THSD4: variants seen among roughly 807,000 people sequenced by gnomAD.
THSD4 encodes the protein thrombospondin type 1 domain containing 4.
In THSD4, 69 loss-of-function variants were observed where a neutral mutation model predicts 119.0. That is an observed-to-expected ratio of 0.58 (90% confidence interval 0.48 to 0.71). THSD4 has a LOEUF of 0.71. THSD4 is among the 30% of genes least tolerant of loss of function. THSD4 has a pLI of 0.00. For missense variants in THSD4, 1,393 were observed against 1,391.1 expected (o/e 1.00, Z -0.02); for synonymous variants, 524 against 540.4 (o/e 0.97, Z 0.42).
chr15:71,216,466 G>A (rs1596274007), intron 4 of THSD4, among the ~76,000 whole-genome samples: 1 of 152,216 alleles, frequency 6.6e-6, no homozygotes, highest in Non-Finnish European at 1.5e-5. Flanking sequence ...AAGGAGATGC[G>A]ACACATCCAG....
chr15:71,711,676 A>ATC (rs2052519025), intron 8 of THSD4, among the ~76,000 whole-genome samples: 1 of 151,444 alleles, frequency 6.6e-6, no homozygotes, highest in Non-Finnish European at 1.5e-5. Flanking sequence ...AGGTAATGAT[A>ATC]TATATAAATA....
chr15:71,496,872 C>T (rs11072292), intron 7 of THSD4, among the ~76,000 whole-genome samples: 17,944 of 152,194 alleles, frequency 0.12, 1,358 homozygotes, highest in African/African-American at 0.21. Flanking sequence ...AGGTAGCAGC[C>T]ATGCCACAGG....
At chr15:71,672,818 T>G (rs2051560437) in intron 8 of THSD4, among the ~76,000 whole-genome samples, 1 of 152,234 alleles carries the variant, frequency 6.6e-6, no homozygotes, top group Non-Finnish European at 1.5e-5. Flanking sequence ...TGAACCAGCC[T>G]TGGATCCCAG....
At chr15:71,736,413 C>T (rs947164094) in intron 10 of THSD4, among the ~76,000 whole-genome samples, 2 of 151,628 alleles carry the variant, frequency 1.3e-5, no homozygotes, top group African/African-American at 2.4e-5. Flanking sequence ...CTCTGACTGT[C>T]TCGCTCTCTT....
intron 10 of THSD4, among the ~76,000 whole-genome samples, chr15:71,736,157 CTCTCTG>C (rs56651603): frequency 0.59 from 78,502 of 132,720 alleles, 24,470 homozygotes; most frequent in East Asian, 0.77. Flanking sequence ...GTCTCTCTTG[CTCTCTG>C]TCTCTGTCTC....
chr15:71,452,219 C>G (rs574614685), intron 7 of THSD4, among the ~76,000 whole-genome samples: 1 of 152,172 alleles, frequency 6.6e-6, no homozygotes, highest in African/African-American at 2.4e-5. Context: ...CGCTGCATCT[C>G]CTCTCCTGCA....
chr15:71,422,442 A>G (rs2046820794), intron 7 of THSD4, among the ~76,000 whole-genome samples: 1 of 152,196 alleles, frequency 6.6e-6, no homozygotes, highest in Non-Finnish European at 1.5e-5. Flanking sequence ...GCAGACTCAT[A>G]GAGGTGCCAC....
chr15:71,297,387 GTGCAGTGGCGCAATC>G (rs1447404890), intron 6 of THSD4, among the ~76,000 whole-genome samples: 1 of 149,030 alleles, frequency 6.7e-6, no homozygotes, highest in Non-Finnish European at 1.5e-5. Flanking sequence ...CCAGACTGGA[GTGCAGTGGCGCAATC>G]TCAGCTCACT....
intron 4 of THSD4, among the ~76,000 whole-genome samples, chr15:71,224,332 A>G (rs2043997275): frequency 6.6e-6 from 1 of 152,236 alleles, no homozygotes; most frequent in Non-Finnish European, 1.5e-5. Flanking sequence ...AGAAATTCTT[A>G]GAGTAAGACA....
At chr15:71,629,732 C>CTCTTTGTTTAT (rs781016207) in intron 7 of THSD4, among the ~76,000 whole-genome samples, 6 of 152,190 alleles carry the variant, frequency 3.9e-5, no homozygotes, top group Non-Finnish European at 8.8e-5. Context: ...CTGTAAGCTT[C>CTCTTTGTTTAT]TCTTTGTTTA....
chr15:71,216,494 T>C (rs1462994491), intron 4 of THSD4, among the ~76,000 whole-genome samples: 1 of 152,194 alleles, frequency 6.6e-6, no homozygotes. Context: ...AGCCACATGC[T>C]CTTTACCTGG....
chr15:71,354,090 A>G (rs1179177569), intron 6 of THSD4, among the ~76,000 whole-genome samples: 1 of 152,204 alleles, frequency 6.6e-6, no homozygotes, highest in Non-Finnish European at 1.5e-5. Context: ...TGAGCCCAAG[A>G]GTTCCAGACC....
chr15:71,325,009 G>C (rs902821403), intron 6 of THSD4, among the ~76,000 whole-genome samples: 1 of 152,160 alleles, frequency 6.6e-6, no homozygotes, highest in Non-Finnish European at 1.5e-5. Context: ...TCTTGCAGGA[G>C]TAAGTAGGTA....
At chr15:71,464,989 A>G (rs2047480526) in intron 7 of THSD4, among the ~76,000 whole-genome samples, 1 of 152,066 alleles carries the variant, frequency 6.6e-6, no homozygotes, top group Non-Finnish European at 1.5e-5. Context: ...CACATTTTAA[A>G]CCTTCCAAAT....
chr15:71,124,969 A>G (rs903589927), intron 1 of THSD4, among the ~76,000 whole-genome samples: 1 of 152,066 alleles, frequency 6.6e-6, no homozygotes, highest in Admixed American at 6.6e-5. Flanking sequence ...CATATATGGG[A>G]GGCTAAAGTA....
intron 6 of THSD4, among the ~76,000 whole-genome samples, chr15:71,370,586 G>A (rs1344847568): frequency 6.6e-6 from 1 of 152,194 alleles, no homozygotes; most frequent in Non-Finnish European, 1.5e-5. Flanking sequence ...ATGTAGTTGA[G>A]CGGTTTTGAG....
At chr15:71,243,884 A>T (rs1304205098) in intron 5 of THSD4, among the ~76,000 whole-genome samples, 1 of 146,144 alleles carries the variant, frequency 6.8e-6, no homozygotes, top group Non-Finnish European at 1.5e-5. Context: ...TCCCAGGTTC[A>T]AGCAATTTTC....
intron 6 of THSD4, among the ~76,000 whole-genome samples, chr15:71,381,545 C>T (rs538296373): frequency 3.9e-5 from 6 of 152,278 alleles, no homozygotes; most frequent in African/African-American, 1.2e-4. Context: ...TGTCAGAAAC[C>T]TGTACTTGTC....
intron 16 of THSD4, among the ~76,000 whole-genome samples, chr15:71,766,247 C>G (rs1034234083): frequency 3.3e-5 from 5 of 151,972 alleles, no homozygotes; most frequent in African/African-American, 1.2e-4. Flanking sequence ...AACAGAAAAC[C>G]TCCTCACCAT....
Sources: allele counts gnomAD v4.1 joint callset (sites outside exome capture counted in the v4.1 genomes callset), GRCh38; gene constraint gnomAD v4.1.1; transcripts MANE v1.5; gene names NCBI Gene and HGNC (gene_info 2026-07-23, HGNC 2026-07-21).